CHRDL1: variants seen among roughly 807,000 people sequenced by gnomAD.
CHRDL1 encodes chordin like 1.
A neutral mutation model predicts 40.9 loss-of-function variants in CHRDL1; 19 were observed. The observed-to-expected ratio is 0.46, with a 90% CI of 0.32 to 0.68. The LOEUF (loss-of-function observed/expected upper bound fraction) is 0.68. CHRDL1 is among the 30% of genes least tolerant of loss of function. The probability of loss-of-function intolerance (pLI) is 0.03; values close to 1 mark genes in which losing one functional copy is unlikely to be tolerated. For synonymous variants in CHRDL1, 136 were observed against 123.4 expected, an observed-to-expected ratio of 1.10 and a Z score of -0.68; for missense variants, 329 against 352.1, an observed-to-expected ratio of 0.93 and a Z score of 0.53.
intron 4 of CHRDL1, among the ~76,000 whole-genome samples, chrX:110,738,513 C>T (rs896168470): frequency 1.4e-4 from 15 of 110,569 alleles, no homozygotes; most frequent in African/African-American, 4.3e-4. Flanking sequence ...GAGGCTGAGG[C>T]GGGTGGATCA....
At chrX:110,782,099 A>G (rs1422952385) in intron 2 of CHRDL1, among the ~76,000 whole-genome samples, 3 of 112,374 alleles carry the variant, frequency 2.7e-5, no homozygotes, top group Non-Finnish European at 5.6e-5. Flanking sequence ...TGTAAAAAGC[A>G]GCCAGGGAAC....
intron 2 of CHRDL1, among the ~76,000 whole-genome samples, chrX:110,768,116 G>A (rs1277237411): frequency 8.9e-6 from 1 of 112,070 alleles, no homozygotes; most frequent in Non-Finnish European, 1.9e-5. Flanking sequence ...TGTCTGAAAT[G>A]TGGATGTATC....
At chrX:110,762,568 C>A (rs138028410) in intron 3 of CHRDL1, 127 bp downstream of exon 3, 1 of 445,843 alleles carries the variant, frequency 2.2e-6, no homozygotes, top group Admixed American at 4.4e-5. Flanking sequence ...TGAGACAGTG[C>A]GATCGGTCTG....
At chrX:110,790,533 T>C (rs2090082382) in intron 2 of CHRDL1, among the ~76,000 whole-genome samples, 1 of 111,344 alleles carries the variant, frequency 9.0e-6, no homozygotes, top group Non-Finnish European at 1.9e-5. Context: ...TAACAGGCTA[T>C]AAGGGAAGTT....
intron 4 of CHRDL1, among the ~76,000 whole-genome samples, chrX:110,758,142 A>C (rs1288374814): frequency 9.1e-6 from 1 of 110,054 alleles, no homozygotes; most frequent in Non-Finnish European, 1.9e-5. Context: ...AAAAAAAAAA[A>C]AACAAAGAAG....
At chrX:110,782,859 T>C (rs1300563251) in intron 2 of CHRDL1, among the ~76,000 whole-genome samples, 2 of 112,252 alleles carry the variant, frequency 1.8e-5, no homozygotes, top group Non-Finnish European at 3.8e-5. Context: ...AGGATGCAAA[T>C]ATCTTACTCA....
intron 9 of CHRDL1, among the ~76,000 whole-genome samples, chrX:110,683,307 C>T (rs1010865123): frequency 1.1e-4 from 12 of 112,167 alleles, no homozygotes; most frequent in African/African-American, 1.6e-4. Flanking sequence ...CAACATCCGC[C>T]GTTTTTCACA....
At chrX:110,686,459 C>T (rs1403650852) in intron 9 of CHRDL1, among the ~76,000 whole-genome samples, 1 of 111,257 alleles carries the variant, frequency 9.0e-6, no homozygotes, top group African/African-American at 3.3e-5. Context: ...TATCTTGTTG[C>T]ATTACTTTTT....
At chrX:110,763,558 T>TATACAC (rs1203090246) in intron 2 of CHRDL1, among the ~76,000 whole-genome samples, 62 of 105,578 alleles carry the variant, frequency 5.9e-4, no homozygotes, top group African/African-American at 2.1e-3. Context: ...TATATATATA[T>TATACAC]ACACACACAT....
At chrX:110,749,745 T>C (rs2089323554) in intron 4 of CHRDL1, among the ~76,000 whole-genome samples, 1 of 111,951 alleles carries the variant, frequency 8.9e-6, no homozygotes, top group South Asian at 3.7e-4. Context: ...ACAAAAATCA[T>C]TCTAATAAAG....
intron 2 of CHRDL1, among the ~76,000 whole-genome samples, chrX:110,771,485 T>C (rs1425021991): frequency 8.9e-6 from 1 of 112,564 alleles, no homozygotes; most frequent in East Asian, 2.8e-4. Flanking sequence ...AATACTTTTA[T>C]GAGCAAGTGG....
intron 8 of CHRDL1, among the ~76,000 whole-genome samples, chrX:110,689,438 ATC>A (rs1266525564): frequency 1.6e-5 from 1 of 61,637 alleles, no homozygotes; most frequent in Non-Finnish European, 2.4e-5. Context: ...ATATCTATAT[ATC>A]TATATATATC....
chrX:110,762,584 T>C (rs1488837624), intron 3 of CHRDL1, 111 bp downstream of exon 3: 1 of 482,584 alleles, frequency 2.1e-6, no homozygotes, highest in African/African-American at 2.4e-5. Flanking sequence ...GTCTGCTTCT[T>C]TACTTTCTTT....
chrX:110,780,859 C>T (rs1006904611), intron 2 of CHRDL1, among the ~76,000 whole-genome samples: 4 of 111,060 alleles, frequency 3.6e-5, no homozygotes, highest in African/African-American at 9.8e-5. Flanking sequence ...TTTATTTCCC[C>T]TTTTATGATA....
At chrX:110,766,112 A>G (rs197051) in intron 2 of CHRDL1, among the ~76,000 whole-genome samples, 15,430 of 111,572 alleles carry the variant, frequency 0.14, 2,618 homozygotes, top group African/African-American at 0.48. Flanking sequence ...GGTGAAAAAC[A>G]AAATCAAGAT....
intron 6 of CHRDL1, among the ~76,000 whole-genome samples, chrX:110,709,195 T>C (rs1456293051): frequency 3.5e-5 from 4 of 112,677 alleles, no homozygotes; most frequent in African/African-American, 6.4e-5. Context: ...TTTAGAATTG[T>C]GCTTGGCACA....
intron 6 of CHRDL1, among the ~76,000 whole-genome samples, chrX:110,705,606 C>T (rs2070621860): frequency 9.6e-6 from 1 of 104,384 alleles, no homozygotes. Context: ...GCTGATGATG[C>T]TCAAAGGAAA....
rs770562288 is a variant in CHRDL1, at chrX:110,752,563, A to T, written c.301+7098T>A. The stretch of plus-strand genomic sequence containing the variant: ...TGGCAGCCCCTCTGTAACCTAAAAT[A>T]GTAATAATAATAATAAAGCAAAATA... On this transcript the variant is annotated intron_variant, in intron 4 of 11. Coordinates refer to ENST00000372042, the MANE Select transcript of CHRDL1 (RefSeq NM_001143981.2). Among the ~76,000 whole-genome samples the T allele has an allele frequency of 2.7e-5, 3 of 111,435 alleles. No individual in the cohort carries two copies. In the Admixed American group the frequency reaches 2.9e-4, roughly 11 times the overall value.
At chrX:110,702,950 C>T (rs2070547277) in intron 6 of CHRDL1, among the ~76,000 whole-genome samples, 1 of 111,988 alleles carries the variant, frequency 8.9e-6, no homozygotes, top group African/African-American at 3.2e-5. Flanking sequence ...TACTAAAACA[C>T]TGTACAATAT....
Sources: gnomAD v4.1 joint callset for allele counts (sites outside exome capture counted in the v4.1 genomes callset) on GRCh38, gnomAD v4.1.1 for gene constraint, MANE v1.5 for transcripts, NCBI Gene and HGNC (gene_info 2026-07-23, HGNC 2026-07-21) for gene names.